GPC5: variants seen among roughly 807,000 people sequenced by gnomAD.
GPC5 encodes glypican 5, also known as glypican-5.
A neutral mutation model predicts 53.9 loss-of-function variants in GPC5; 47 were observed. That is an observed-to-expected ratio of 0.87 (90% CI 0.69 to 1.11). GPC5 has a LOEUF of 1.11. Ranked by LOEUF, GPC5 falls within the 50% of genes most tolerant of loss-of-function variation. The pLI is 0.00. For missense variants in GPC5, 748 were observed against 713.1 expected (o/e 1.05, Z -0.56); for synonymous variants, 286 against 263.3 (o/e 1.09, Z -0.84).
At chr13:92,288,516 G>A (rs12874274) in intron 7 of GPC5, among the ~76,000 whole-genome samples, 1 of 152,058 alleles carries the variant, frequency 6.6e-6, no homozygotes, top group South Asian at 2.1e-4. Context: ...CTTCTATTGT[G>A]ACTATAGTCA....
chr13:91,803,087 T>G (rs1231718171), intron 5 of GPC5, among the ~76,000 whole-genome samples: 1 of 152,150 alleles, frequency 6.6e-6, no homozygotes, highest in East Asian at 1.9e-4. Context: ...TCAAACAATT[T>G]GAAGATGGGT....
At chr13:92,658,924 G>GTTTTTTTTTTTTTTTT (rs71123426) in intron 7 of GPC5, 5 of 85,594 alleles carry the variant, frequency 5.8e-5, no homozygotes, top group African/African-American at 8.3e-5. Flanking sequence ...TATATGTTTT[G>GTTTTTTTTTTTTTTTT]TTTTTTTTTT....
intron 6 of GPC5, among the ~76,000 whole-genome samples, chr13:91,959,057 AACACACACACAC>A (rs147785443): frequency 1.4e-3 from 185 of 127,722 alleles, no homozygotes; most frequent in Admixed American, 2.4e-3. Context: ...GAATGGAGAC[AACACACACACAC>A]ACACACACAC....
intron 6 of GPC5, among the ~76,000 whole-genome samples, chr13:92,097,517 G>GA (rs1341837116): frequency 6.6e-6 from 1 of 152,206 alleles, no homozygotes; most frequent in Admixed American, 6.5e-5. Flanking sequence ...AAGCCTATAT[G>GA]AAGGGATTAA....
intron 2 of GPC5, among the ~76,000 whole-genome samples, chr13:91,655,875 A>G (rs2034833481): frequency 6.6e-6 from 1 of 152,148 alleles, no homozygotes; most frequent in Non-Finnish European, 1.5e-5. Context: ...TCCCAGAGGA[A>G]TCTCTCTTAT....
rs61462707 is a variant in GPC5 at position 91,697,620 on chromosome 13, G to A, written c.1020+3739G>A. Among the ~76,000 whole-genome samples, 1,221 of 151,576 alleles carry A rather than the reference G, an allele frequency of 8.1e-3. 17 individuals are homozygous for A. The highest frequency in any genetic ancestry group is 0.027 in the African/African-American group (1,122 of 41,320). On this transcript the variant is annotated intron_variant, in intron 3 of 7. Coordinates refer to ENST00000377067, the MANE Select transcript of GPC5 (RefSeq NM_004466.6). ...TCTCTAACGTATTTTTAATATTAACGGATTAATATTAAAATGTTAATATTA... is the reference window on the plus strand; with the variant it reads ...TCTCTAACGTATTTTTAATATTAACAGATTAATATTAAAATGTTAATATTA...
At chr13:92,550,738 C>T (rs900759184) in intron 7 of GPC5, among the ~76,000 whole-genome samples, 4 of 151,872 alleles carry the variant, frequency 2.6e-5, no homozygotes, top group Middle Eastern at 3.4e-3. Flanking sequence ...TGATTGATGG[C>T]GCTTGGAAAG....
intron 7 of GPC5, among the ~76,000 whole-genome samples, chr13:92,402,573 A>G (rs1011957768): frequency 2.0e-5 from 3 of 152,180 alleles, no homozygotes; most frequent in Non-Finnish European, 4.4e-5. Context: ...GGATGGTTTC[A>G]GGATGAAGCT....
chr13:92,751,302 TTAAAAAAAAAAAAA>T (rs1408961345), intron 7 of GPC5, among the ~76,000 whole-genome samples: 16 of 34,400 alleles, frequency 4.7e-4, no homozygotes, highest in African/African-American at 1.3e-3. Flanking sequence ...CCAGAAACAT[TTAAAAAAAAAAAAA>T]AAAAAAAAAA....
At chr13:91,974,005 C>G (rs1361426438) in intron 6 of GPC5, among the ~76,000 whole-genome samples, 1 of 152,198 alleles carries the variant, frequency 6.6e-6, no homozygotes, top group Non-Finnish European at 1.5e-5. Context: ...CTACTCTCTT[C>G]AAAGTTGTCA....
intron 2 of GPC5, among the ~76,000 whole-genome samples, chr13:91,678,650 T>C (rs902928954): frequency 2.0e-5 from 3 of 152,078 alleles, no homozygotes; most frequent in African/African-American, 4.8e-5. Context: ...CGATGACTTG[T>C]AGTGACTAGA....
chr13:92,477,793 T>C (rs1879210303), intron 7 of GPC5, among the ~76,000 whole-genome samples: 1 of 152,154 alleles, frequency 6.6e-6, no homozygotes, highest in Non-Finnish European at 1.5e-5. Context: ...GCAGAGTTAC[T>C]GTAGCGGTGT....
chr13:92,345,889 G>A (rs1033186016), intron 7 of GPC5, among the ~76,000 whole-genome samples: 7 of 152,124 alleles, frequency 4.6e-5, no homozygotes, highest in South Asian at 4.1e-4. Context: ...TACAGATCTC[G>A]CTGGTATTTT....
chr13:92,846,670 T>C (rs1878622485), intron 7 of GPC5, among the ~76,000 whole-genome samples: 1 of 152,210 alleles, frequency 6.6e-6, no homozygotes, highest in Admixed American at 6.5e-5. Flanking sequence ...AGTTTTATCA[T>C]GTGCATAATG....
At chr13:91,415,969 G>T (rs1878191485) in intron 1 of GPC5, among the ~76,000 whole-genome samples, 1 of 152,086 alleles carries the variant, frequency 6.6e-6, no homozygotes, top group Non-Finnish European at 1.5e-5. Flanking sequence ...AGGGAAAATT[G>T]CATTTTATCA....
chr13:92,665,983 C>G (rs1422155849), intron 7 of GPC5, among the ~76,000 whole-genome samples: 2 of 152,110 alleles, frequency 1.3e-5, no homozygotes, highest in African/African-American at 4.8e-5. Context: ...AAATTCCAAG[C>G]ATTACTCTAC....
intron 7 of GPC5, among the ~76,000 whole-genome samples, chr13:92,474,041 G>A (rs1465564783): frequency 6.6e-6 from 1 of 152,046 alleles, no homozygotes; most frequent in East Asian, 1.9e-4. Context: ...AAGTCCCAAA[G>A]CTATGTGAAA....
intron 5 of GPC5, among the ~76,000 whole-genome samples, chr13:91,834,569 CAG>C (rs1272988443): frequency 6.6e-6 from 1 of 152,094 alleles, no homozygotes; most frequent in Admixed American, 6.6e-5. Context: ...TGGAACAGAA[CAG>C]AGTCCTCAGA....
chr13:92,419,914 T>A (rs1876485824), intron 7 of GPC5, among the ~76,000 whole-genome samples: 2 of 152,172 alleles, frequency 1.3e-5, no homozygotes, highest in South Asian at 4.1e-4. Flanking sequence ...TTTGTCTGAA[T>A]GGGATGGATG....
Sources: allele counts gnomAD v4.1 joint callset (sites outside exome capture counted in the v4.1 genomes callset), GRCh38; gene constraint gnomAD v4.1.1; transcripts MANE v1.5; gene names NCBI Gene and HGNC (gene_info 2026-07-23, HGNC 2026-07-21).